SREK1: variants seen among roughly 807,000 people sequenced by gnomAD.
The protein encoded by SREK1 is splicing regulatory glutamic acid and lysine rich protein 1.
In SREK1, 13 loss-of-function variants were observed where a neutral mutation model predicts 66.5. That is an observed-to-expected ratio of 0.20 (90% CI 0.13 to 0.31). The LOEUF (loss-of-function observed/expected upper bound fraction) is 0.31. Ranked by LOEUF, SREK1 falls within the 10% of genes least tolerant of loss-of-function variation. The pLI, the probability that SREK1 is intolerant of heterozygous loss-of-function variation, is 1.00. For missense variants in SREK1, 607 were observed against 769.6 expected (o/e 0.79, Z 2.50); for synonymous variants, 265 against 263.5 (o/e 1.01, Z -0.05).
At position 66,164,779 on chromosome 5, in the gene SREK1, C is replaced by T. The variant is rs368744264; in HGVS notation, c.887-4C>T. On this transcript the variant is annotated splice_polypyrimidine_tract_variant and splice_region_variant and intron_variant, in intron 6 of 11. Transcript: ENST00000334121. ...TACACTGCAAAGTGATTTTTTCCTC[C>T]CAGAGTCTGGAAAGAGCAATGAAAG... 3.1e-6 allele frequency: 5 copies of T among 1,613,832 alleles called. No homozygotes were observed. The Admixed American group carries it at 6.7e-5, about 22-fold the overall frequency.
At chr5:66,154,750 C>G (rs540789215) in intron 2 of SREK1, among the ~76,000 whole-genome samples, 137 of 152,068 alleles carry the variant, frequency 9.0e-4, no homozygotes, top group Non-Finnish European at 1.7e-3. Flanking sequence ...CTTTCCCATG[C>G]TTGGGGGTTA....
chr5:66,144,355 A>G lies in SREK1; in HGVS notation c.-22A>G, dbSNP rs1307021571. On this transcript the variant is annotated 5_prime_UTR_variant, in exon 1 of 12. Transcript: ENST00000334121. The stretch of plus-strand genomic sequence containing the variant: ...GCGTCGTAGACGTTGGGGAGCGGGA[A>G]GGCAACGGCAGCGGGATCGGGATGA... The G allele has an allele frequency of 6.6e-7, 1 of 1,516,566 alleles. No individual in the cohort carries two copies. The highest frequency in any genetic ancestry group is 8.9e-7 in the Non-Finnish European group (1 of 1,121,602). The allele number at this position is 1,516,566 out of a possible 1,614,324, so 93.9% of individuals were successfully genotyped here. A position where few individuals can be genotyped will look rare whatever the true frequency, so the allele number is the denominator to read the frequency against.
At chr5:66,156,304 C>T in intron 2 of SREK1, 2 of 1,306,324 alleles carry the variant, frequency 1.5e-6, no homozygotes, top group Non-Finnish European at 1.9e-6. Context: ...ATCTCTTTCA[C>T]TTTAACTTGT....
intron 5 of SREK1, 154 bp downstream of exon 5, chr5:66,162,746 A>G (rs1744870345): frequency 4.9e-6 from 3 of 616,320 alleles, no homozygotes; most frequent in Non-Finnish European, 7.8e-6. Flanking sequence ...TGAGATACTT[A>G]CCATTTTAGT....
chr5:66,163,940 T>C lies in SREK1; in HGVS notation c.886+18T>C. The C allele has an allele frequency of 3.1e-6, 5 of 1,609,914 alleles. No individual in the cohort carries two copies. Among genetic ancestry groups the C allele is most frequent in the Non-Finnish European group, 4.2e-6 (5 of 1,177,440 alleles). ...TGAACCAGGTAAGTACATAACGTTG[T>C]TACATAGGTCATAGTTTAAAGATCA... On this transcript the variant is annotated intron_variant, in intron 6 of 11. Coordinates refer to ENST00000334121, the MANE Select transcript of SREK1 (RefSeq NM_001077199.3).
intron 11 of SREK1, 110 bp from the exon 12 acceptor site, chr5:66,178,609 A>G (rs1455846604): frequency 5.6e-6 from 6 of 1,074,458 alleles, no homozygotes; most frequent in Non-Finnish European, 7.8e-6. Flanking sequence ...ATGAGAGAAA[A>G]TCATACCCAG....
At chr5:66,156,235 A>T (rs1580633526) in intron 2 of SREK1, 3 of 1,286,908 alleles carry the variant, frequency 2.3e-6, no homozygotes, top group East Asian at 3.1e-5. Flanking sequence ...CTTTAATTTC[A>T]TTTCTTTTTC....
At chr5:66,144,752 C>G in intron 1 of SREK1, 1 of 1,263,362 alleles carries the variant, frequency 7.9e-7, no homozygotes, top group Non-Finnish European at 1.0e-6. Flanking sequence ...GAGCCCTTAC[C>G]AAGGATTTAG....
intron 8 of SREK1, 83 bp from the exon 9 acceptor site, chr5:66,170,502 T>C: frequency 6.9e-7 from 1 of 1,458,374 alleles, no homozygotes; most frequent in Non-Finnish European, 9.2e-7. Context: ...TGTCTTGTGT[T>C]GGTAATTGTT....
intron 8 of SREK1, 55 bp downstream of exon 8, chr5:66,170,225 C>A: frequency 1.3e-6 from 2 of 1,548,812 alleles, no homozygotes; most frequent in South Asian, 1.3e-5. Flanking sequence ...TCTGTTAGTG[C>A]TAAGGGATAA....
chr5:66,165,624 T>A (rs1246686243), intron 7 of SREK1: 1 of 152,248 alleles, frequency 6.6e-6, no homozygotes. Context: ...TAAAGATCAT[T>A]ACTAAAGTTA....
rs1421176326 is a variant in SREK1 at position 66,144,380 on chromosome 5, A to C, written c.4A>C (p.Asn2His). Residue 2 changes from asparagine (N) to histidine (H), a missense_variant, in exon 1 of 12, where the codon AAC (asparagine) becomes CAC (histidine). Coordinates refer to ENST00000334121, the MANE Select transcript of SREK1 (RefSeq NM_001077199.3). MNSGGGFGLGLG... is the reference protein window; with the variant it reads MHSGGGFGLGLG... ...AGGCAACGGCAGCGGGATCGGGATG[A>C]ACAGCGGCGGCGGCTTCGGTTTGGG... is the stretch of plus-strand genomic sequence containing the variant. 6.5e-7 allele frequency: 1 copy of C among 1,547,430 alleles called. No individual in the cohort carries two copies. The highest frequency in any genetic ancestry group is 8.7e-7 in the Non-Finnish European group (1 of 1,144,372).
intron 10 of SREK1, among the ~76,000 whole-genome samples, chr5:66,176,009 A>G (rs747406304): frequency 5.9e-5 from 9 of 152,126 alleles, no homozygotes; most frequent in Non-Finnish European, 1.0e-4. Context: ...GGCTTTTCCT[A>G]TTCCAAGATT....
At chr5:66,157,480 G>T in intron 2 of SREK1, 2 of 985,150 alleles carry the variant, frequency 2.0e-6, no homozygotes, top group Non-Finnish European at 2.4e-6. Context: ...AATTTATCAA[G>T]AATGTTCAGG....
At chr5:66,164,033 A>G in intron 6 of SREK1, 111 bp downstream of exon 6, 1 of 1,309,530 alleles carries the variant, frequency 7.6e-7, no homozygotes, top group Non-Finnish European at 1.0e-6. Flanking sequence ...ACAAACAAGA[A>G]GACTGAAACT....
At position 66,163,774 on chromosome 5, in the gene SREK1, C is replaced by G. The variant is rs1203659787; in HGVS notation, c.756-18C>G. ...AAATGTGGTGTGTATTTGTGATATG[C>G]TAATATTTTTAATTTAGAATAAATC... On this transcript the variant is annotated intron_variant, in intron 5 of 11. Coordinates refer to ENST00000334121, the MANE Select transcript of SREK1 (RefSeq NM_001077199.3). 2.5e-6 allele frequency: 4 copies of G among 1,602,840 alleles called. No individual in the cohort carries two copies. The African/African-American group carries it at 4.0e-5, about 16-fold the overall frequency.
intron 2 of SREK1, chr5:66,157,560 A>C (rs774315470): frequency 5.3e-4 from 521 of 975,808 alleles, no homozygotes; most frequent in Non-Finnish European, 6.3e-4. Flanking sequence ...TAAATAGTAT[A>C]GTGTATATGT....
chr5:66,159,244 C>T lies in SREK1; in HGVS notation c.321C>T (p.Ala107=). 6.2e-7 allele frequency: 1 copy of T among 1,612,862 alleles called. No homozygotes were observed. Among genetic ancestry groups the T allele is most frequent in the South Asian group, 1.1e-5 (1 of 90,898 alleles). The change falls in exon 3 of 12, where the codon GCC becomes GCT. Residue 107 remains alanine, a synonymous_variant. Transcript: ENST00000334121. ...AEGKIPEESK[A]LSLLAPAPTM... is the part of the protein sequence containing the mutation. The stretch of plus-strand genomic sequence containing the variant: ...GTAAAATCCCAGAGGAATCCAAAGC[C>T]CTCTCTTTATTGGCTCCTGCTCCAA...
In SREK1 at chr5:66,155,537, G is replaced by A. The variant is rs114095722; in HGVS notation, c.295+1941G>A. Among the ~76,000 whole-genome samples the A allele has an allele frequency of 2.4e-3, 360 of 152,342 alleles. 4 individuals are homozygous for A. Among genetic ancestry groups the A allele is most frequent in the African/African-American group, 8.3e-3 (345 of 41,576 alleles). On this transcript the variant is annotated intron_variant, in intron 2 of 11. Coordinates refer to ENST00000334121, the MANE Select transcript of SREK1 (RefSeq NM_001077199.3). ...GTGAGTGTGAAATAACCAAAGAAAA[G>A]TATTCCAGTGGAGTAAGTTCTGTAA...
Sources: gnomAD v4.1 joint callset for allele counts (sites outside exome capture counted in the v4.1 genomes callset) on GRCh38, gnomAD v4.1.1 for gene constraint, MANE v1.5 for transcripts, NCBI Gene and HGNC (gene_info 2026-07-23, HGNC 2026-07-21) for gene names.